UNC79: variants seen among roughly 807,000 people sequenced by gnomAD.
UNC79 encodes the protein protein unc-79 homolog.
In UNC79, 37 loss-of-function variants were observed where a neutral mutation model predicts 283.1. The ratio of observed to expected loss-of-function variants is 0.13; its 90% CI spans 0.10 to 0.17. The LOEUF (loss-of-function observed/expected upper bound fraction) is 0.17, where lower values mean the gene tolerates loss of function less well. Ranked by LOEUF, UNC79 falls within the 10% of genes least tolerant of loss-of-function variation. The probability of loss-of-function intolerance (pLI) is 1.00; values close to 1 mark genes in which losing one functional copy is unlikely to be tolerated. For missense variants in UNC79, 2,272 were observed against 3,211.1 expected (o/e 0.71, Z 7.07); for synonymous variants, 1,107 against 1,200.2 (o/e 0.92, Z 1.61).
At chr14:93,696,471 G>T (rs771306338) in intron 47 of UNC79, among the ~76,000 whole-genome samples, 6 of 152,124 alleles carry the variant, frequency 3.9e-5, no homozygotes, top group Non-Finnish European at 7.3e-5. Context: ...CCACATCTTT[G>T]TCAACACTTG....
At chr14:93,516,541 G>A (rs887972901) in intron 7 of UNC79, among the ~76,000 whole-genome samples, 26 of 151,524 alleles carry the variant, frequency 1.7e-4, no homozygotes, top group African/African-American at 5.1e-4. Flanking sequence ...CTGCCTCTCC[G>A]GTTCAAGTGA....
intron 7 of UNC79, among the ~76,000 whole-genome samples, chr14:93,521,784 A>G (rs2060331896): frequency 6.8e-6 from 1 of 147,596 alleles, no homozygotes; most frequent in Non-Finnish European, 1.5e-5. Flanking sequence ...TTATTTTTGA[A>G]TGGTGATCTA....
At chr14:93,445,809 T>C (rs1430178905) in intron 1 of UNC79, among the ~76,000 whole-genome samples, 1 of 152,188 alleles carries the variant, frequency 6.6e-6, no homozygotes, top group African/African-American at 2.4e-5. Context: ...TCACAATTTT[T>C]GTTTGCTTTA....
At chr14:93,374,373 A>G (rs1191409600) in intron 1 of UNC79, among the ~76,000 whole-genome samples, 3 of 152,194 alleles carry the variant, frequency 2.0e-5, no homozygotes, top group Non-Finnish European at 1.5e-5. Flanking sequence ...TAGGTAGAAC[A>G]TGGAGTCAAA....
At chr14:93,590,754 G>C (rs1421356229) in intron 22 of UNC79, among the ~76,000 whole-genome samples, 1 of 152,178 alleles carries the variant, frequency 6.6e-6, no homozygotes, top group African/African-American at 2.4e-5. Flanking sequence ...CTCGAGAGCT[G>C]GGAAAGGCGA....
Position 93,481,050 on chromosome 14 carries a change from G to C in UNC79, c.619+3322G>C, listed in dbSNP as rs920484966. ...GAGGTATTGCAGCTCTTCAGAGTAA[G>C]AGGCCAGCATGTATATCAGAGATTT... On this transcript the variant is annotated intron_variant, in intron 4 of 48. Coordinates refer to ENST00000555664, the Ensembl canonical transcript of UNC79. 2.0e-5 allele frequency among the ~76,000 whole-genome samples: 3 copies of C among 152,138 alleles called. No homozygotes were observed. In the South Asian group the frequency reaches 6.2e-4, roughly 32 times the overall value.
intron 1 of UNC79, among the ~76,000 whole-genome samples, chr14:93,417,175 A>C (rs2055481037): frequency 6.6e-6 from 1 of 151,886 alleles, no homozygotes; most frequent in African/African-American, 2.4e-5. Flanking sequence ...GTTCCTTTCC[A>C]TGTTTAGTGC....
chr14:93,552,864 T>C (rs1262389755), intron 14 of UNC79, among the ~76,000 whole-genome samples: 2 of 152,246 alleles, frequency 1.3e-5, no homozygotes, highest in East Asian at 3.8e-4. Context: ...TTGGGGCTCC[T>C]GGACCTGTTA....
chr14:93,482,912 C>T (rs1040179494), intron 4 of UNC79, among the ~76,000 whole-genome samples: 5 of 152,168 alleles, frequency 3.3e-5, no homozygotes, highest in African/African-American at 1.2e-4. Context: ...AATTCAGTGC[C>T]CTTCCTTAGC....
At chr14:93,397,785 A>C (rs2055028192) in intron 1 of UNC79, among the ~76,000 whole-genome samples, 1 of 134,496 alleles carries the variant, frequency 7.4e-6, no homozygotes, top group Non-Finnish European at 1.5e-5. Context: ...TTGGCCAGGT[A>C]TGGTGGTGTG....
At chr14:93,347,231 G>A (rs1196270218) in intron 1 of UNC79, 2 of 1,570,118 alleles carry the variant, frequency 1.3e-6, no homozygotes, top group Non-Finnish European at 8.6e-7. Flanking sequence ...CACCTCACCT[G>A]TGCTGTCCAC....
At chr14:93,439,923 CCT>C (rs1197440428) in intron 1 of UNC79, among the ~76,000 whole-genome samples, 1 of 151,982 alleles carries the variant, frequency 6.6e-6, no homozygotes, top group African/African-American at 2.4e-5. Flanking sequence ...TTTAAAAATT[CCT>C]CTGTTTTGAT....
chr14:93,420,216 A>G (rs2055565757), intron 1 of UNC79, among the ~76,000 whole-genome samples: 1 of 151,354 alleles, frequency 6.6e-6, no homozygotes, highest in Non-Finnish European at 1.5e-5. Flanking sequence ...GTTGTCTACA[A>G]GAAACACACT....
chr14:93,338,078 G>A (rs2053618891), intron 1 of UNC79, among the ~76,000 whole-genome samples: 1 of 152,120 alleles, frequency 6.6e-6, no homozygotes. Context: ...GCAAGCATGG[G>A]ATCCAGGCTG....
At position 93,668,133 on chromosome 14, in the gene UNC79, T is replaced by C. The variant is rs2072417867; in HGVS notation, c.6637-5218T>C. ...CTATCATCACTGTTTCTATTTATCATGGTGCTGGAGGTCCCATTCAGTTCT... is the reference window on the plus strand; with the variant it reads ...CTATCATCACTGTTTCTATTTATCACGGTGCTGGAGGTCCCATTCAGTTCT... On this transcript the variant is annotated intron_variant, in intron 40 of 48. Transcript: ENST00000555664. 2.0e-5 allele frequency among the ~76,000 whole-genome samples: 3 copies of C among 152,148 alleles called. No individual in the cohort carries two copies. In the South Asian group the frequency reaches 6.2e-4, roughly 32 times the overall value.
intron 5 of UNC79, among the ~76,000 whole-genome samples, chr14:93,488,950 A>T (rs146288374): frequency 2.0e-3 from 311 of 152,274 alleles, no homozygotes; most frequent in African/African-American, 6.7e-3. Context: ...TAATTTAAAA[A>T]TTTTTTTAAG....
At chr14:93,455,997 G>A (rs185759771) in intron 1 of UNC79, among the ~76,000 whole-genome samples, 164 of 151,948 alleles carry the variant, frequency 1.1e-3, no homozygotes, top group Middle Eastern at 3.4e-3. Flanking sequence ...GAGGGTTCAG[G>A]TGACTCTTGT....
chr14:93,335,748 AGT>A (rs1443554523), intron 1 of UNC79, among the ~76,000 whole-genome samples: 1 of 152,264 alleles, frequency 6.6e-6, no homozygotes, highest in African/African-American at 2.4e-5. Context: ...AAAGAAACAA[AGT>A]GAGAGAAAGG....
At chr14:93,451,705 C>T (rs1036608571) in intron 1 of UNC79, among the ~76,000 whole-genome samples, 3 of 152,104 alleles carry the variant, frequency 2.0e-5, no homozygotes, top group African/African-American at 7.2e-5. Context: ...TTTTAGCACC[C>T]TCTTCTGCCC....
Sources: gnomAD v4.1 joint callset for allele counts (sites outside exome capture counted in the v4.1 genomes callset) on GRCh38, gnomAD v4.1.1 for gene constraint, MANE v1.5 for transcripts, NCBI Gene and HGNC (gene_info 2026-07-23, HGNC 2026-07-21) for gene names.